The following TDRD3 variants were observed in gnomAD, a reference collection of about 807,000 sequenced individuals.
TDRD3 encodes tudor domain containing 3.
In TDRD3, 45 loss-of-function variants were observed where a neutral mutation model predicts 86.7. The ratio of observed to expected loss-of-function variants is 0.52; its 90% CI spans 0.41 to 0.67. The LOEUF is 0.67. Ranked by LOEUF, TDRD3 falls within the 30% of genes least tolerant of loss-of-function variation. TDRD3 has a pLI of 0.00. For synonymous variants in TDRD3, 298 were observed against 301.7 expected (o/e 0.99, Z 0.13); for missense variants, 814 against 889.0 (o/e 0.92, Z 1.07).
At chr13:60,436,948 C>A (rs1419100384) in intron 1 of TDRD3, among the ~76,000 whole-genome samples, 1 of 151,870 alleles carries the variant, frequency 6.6e-6, no homozygotes, top group Non-Finnish European at 1.5e-5. Flanking sequence ...AGTTTTATAC[C>A]TGTTCTTGTT....
intron 10 of TDRD3, among the ~76,000 whole-genome samples, chr13:60,522,131 T>C (rs925295885): frequency 1.3e-5 from 2 of 152,162 alleles, no homozygotes; most frequent in African/African-American, 4.8e-5. Context: ...TGTTTATAGA[T>C]ATACTATATT....
chr13:60,540,519 G>T (rs560162820), intron 12 of TDRD3, among the ~76,000 whole-genome samples: 1 of 152,150 alleles, frequency 6.6e-6, no homozygotes, highest in Non-Finnish European at 1.5e-5. Flanking sequence ...TATTCCATAT[G>T]CATAAATGTT....
chr13:60,422,791 CCTTTGGAATA>C (rs1954695810), intron 1 of TDRD3, among the ~76,000 whole-genome samples: 1 of 151,880 alleles, frequency 6.6e-6, no homozygotes, highest in Non-Finnish European at 1.5e-5. Flanking sequence ...GAATATTATT[CCTTTGGAATA>C]ATATTCAAGT....
At chr13:60,526,183 AAC>A (rs1251189942) in intron 10 of TDRD3, among the ~76,000 whole-genome samples, 1 of 152,142 alleles carries the variant, frequency 6.6e-6, no homozygotes, top group Non-Finnish European at 1.5e-5. Flanking sequence ...TTCTTCCCTA[AAC>A]AGCAGATCTG....
At chr13:60,440,645 C>CA (rs1955241230) in intron 2 of TDRD3, among the ~76,000 whole-genome samples, 3 of 152,192 alleles carry the variant, frequency 2.0e-5, no homozygotes, top group South Asian at 2.1e-4. Flanking sequence ...CATGCCACTG[C>CA]ACTCCAGCCT....
chr13:60,416,109 G>T (rs1206837141), intron 1 of TDRD3, among the ~76,000 whole-genome samples: 2 of 152,096 alleles, frequency 1.3e-5, no homozygotes, highest in South Asian at 2.1e-4. Context: ...AGTTGATAAG[G>T]TATTGATTTT....
intron 1 of TDRD3, among the ~76,000 whole-genome samples, chr13:60,417,920 G>A (rs1360698717): frequency 6.6e-6 from 1 of 151,974 alleles, no homozygotes; most frequent in Non-Finnish European, 1.5e-5. Context: ...AATCAGACCT[G>A]CCAATTTTAC....
At position 60,397,273 on chromosome 13, in the gene TDRD3, T is replaced by TTTTC; in HGVS notation, c.-89_-88insCTTT. The TTTTC allele has an allele frequency of 2.3e-5, 6 of 255,718 alleles. No homozygotes were observed. The East Asian group carries it at 4.3e-4, about 18-fold the overall frequency. The allele number at this position is 255,718 out of a possible 1,614,324, so 15.8% of individuals were successfully genotyped here. On this transcript the variant is annotated 5_prime_UTR_variant, in exon 1 of 14. The change creates a premature stop within an existing upstream ORF in the 5' untranslated region. Coordinates refer to ENST00000377881, the MANE Select transcript of TDRD3 (RefSeq NM_001146070.2). ...CAGAGGAGTTTTTTCTTTTCTTTTC[T>TTTTC]TTTTTTTTTTTTAAGGGGGGGGGTC...
intron 1 of TDRD3, among the ~76,000 whole-genome samples, chr13:60,416,327 AAC>A (rs559654045): frequency 2.1e-3 from 317 of 152,260 alleles, no homozygotes; most frequent in Middle Eastern, 0.01. Context: ...AGATTTACAA[AAC>A]AGTGATTATT....
At chr13:60,484,248 C>CA (rs1351680572) in intron 6 of TDRD3, among the ~76,000 whole-genome samples, 1 of 152,062 alleles carries the variant, frequency 6.6e-6, no homozygotes, top group Non-Finnish European at 1.5e-5. Flanking sequence ...TACTTTGAAG[C>CA]AGCCCCCCTT....
At chr13:60,560,435 T>C (rs943059974) in intron 12 of TDRD3, among the ~76,000 whole-genome samples, 14 of 152,216 alleles carry the variant, frequency 9.2e-5, no homozygotes, top group Admixed American at 5.9e-4. Flanking sequence ...TCTCCTACTG[T>C]CTTTTTTGTA....
At chr13:60,457,903 C>G (rs561717953) in intron 3 of TDRD3, among the ~76,000 whole-genome samples, 1 of 152,164 alleles carries the variant, frequency 6.6e-6, no homozygotes, top group African/African-American at 2.4e-5. Flanking sequence ...TAAGGACACT[C>G]GTCATTGGCT....
intron 1 of TDRD3, among the ~76,000 whole-genome samples, chr13:60,423,589 C>CT (rs1314101138): frequency 6.6e-6 from 1 of 152,148 alleles, no homozygotes; most frequent in Non-Finnish European, 1.5e-5. Context: ...TATAAACACT[C>CT]TGATTACAGT....
At chr13:60,419,938 A>G (rs190694570) in intron 1 of TDRD3, among the ~76,000 whole-genome samples, 20 of 152,262 alleles carry the variant, frequency 1.3e-4, no homozygotes, top group Admixed American at 2.6e-4. Flanking sequence ...TGTTTTTCCT[A>G]TAAGTAAAAA....
At chr13:60,479,929 GTT>G (rs1956275015) in intron 5 of TDRD3, among the ~76,000 whole-genome samples, 1 of 152,152 alleles carries the variant, frequency 6.6e-6, no homozygotes, top group Admixed American at 6.5e-5. Flanking sequence ...ACAGCAAACA[GTT>G]GAGTCTTGCT....
chr13:60,476,924 T>G (rs2137459287), intron 5 of TDRD3, among the ~76,000 whole-genome samples: 1 of 152,264 alleles, frequency 6.6e-6, no homozygotes, highest in African/African-American at 2.4e-5. Context: ...CTTTACTGAA[T>G]TTGTTTATCG....
rs566373708 is a variant in TDRD3, at chr13:60,547,963, A to T, written c.2118+12730A>T. ...GAGGAGAAAGATTTTGGCAGAGGGA[A>T]GTCCCTTGAATCCTGTTTCTTAGCT... On this transcript the variant is annotated intron_variant, in intron 12 of 13. Coordinates refer to ENST00000377881, the MANE Select transcript of TDRD3 (RefSeq NM_001146070.2). Among the ~76,000 whole-genome samples, 12 of 152,334 alleles carry T rather than the reference A, an allele frequency of 7.9e-5. No homozygotes were observed. The South Asian group carries it at 2.3e-3, about 29-fold the overall frequency.
intron 10 of TDRD3, among the ~76,000 whole-genome samples, chr13:60,521,333 A>G (rs1298211328): frequency 6.6e-6 from 1 of 152,180 alleles, no homozygotes; most frequent in Non-Finnish European, 1.5e-5. Flanking sequence ...TCTTTCAGCA[A>G]ATATTTACTG....
chr13:60,414,173 T>C (rs1393861168), intron 1 of TDRD3, among the ~76,000 whole-genome samples: 3 of 152,176 alleles, frequency 2.0e-5, no homozygotes, highest in Non-Finnish European at 2.9e-5. Context: ...TGTACGTTTT[T>C]TTTTAAGTCC....
Sources: allele counts gnomAD v4.1 joint callset (sites outside exome capture counted in the v4.1 genomes callset), GRCh38; gene constraint gnomAD v4.1.1; transcripts MANE v1.5; gene names NCBI Gene and HGNC (gene_info 2026-07-23, HGNC 2026-07-21).